The following SLIT3 variants were observed in gnomAD, a reference collection of about 807,000 sequenced individuals.
SLIT3 encodes the protein slit homolog 3 protein.
Under a neutral mutation model 184.0 loss-of-function variants are expected in SLIT3, and 68 were observed. That is an observed-to-expected ratio of 0.37 (90% CI 0.30 to 0.45). The LOEUF is 0.45. SLIT3 is among the 20% of genes least tolerant of loss of function. The pLI, the probability that SLIT3 is intolerant of heterozygous loss-of-function variation, is 1.00. For synonymous variants in SLIT3, 831 were observed against 828.6 expected, an observed-to-expected ratio of 1.00 and a Z score of -0.05; for missense variants, 1,707 against 2,026.0, an observed-to-expected ratio of 0.84 and a Z score of 3.02.
At position 168,772,963 on chromosome 5, in the gene SLIT3, C is replaced by A; in HGVS notation, c.1296-19G>T. 1 of 1,579,014 alleles carries A rather than the reference C, an allele frequency of 6.3e-7. No homozygotes were observed. The highest frequency in any genetic ancestry group is 1.2e-5 in the South Asian group (1 of 84,684). On this transcript the variant is annotated intron_variant, in intron 13 of 35. Coordinates refer to ENST00000519560, the MANE Select transcript of SLIT3 (RefSeq NM_003062.4). ...TAAGTGGCTGCGAGAGGGATGGGGC[C>A]GTTAATCAGGAGTGACCCACGGCGT...
In SLIT3 at chr5:169,038,045, G is replaced by A. The variant is rs181595784; in HGVS notation, c.414-154709C>T. Reference sequence around the variant, plus strand: ...CTTCTCAAATGATACAGAATTTTTCGTTTTTTTTAAAAATTTCCAACCTCT... The same window carrying A: ...CTTCTCAAATGATACAGAATTTTTCATTTTTTTTAAAAATTTCCAACCTCT... On this transcript the variant is annotated intron_variant, in intron 4 of 35. Transcript: ENST00000519560. 4.0e-3 allele frequency: 614 copies of A among 151,972 alleles called. 3 individuals carry two copies. Among genetic ancestry groups the A allele is most frequent in the African/African-American group, 0.014 (569 of 41,460 alleles). The allele number at this position is 151,972 out of a possible 1,614,324, so 9.4% of individuals were successfully genotyped here. A position where few individuals can be genotyped will look rare whatever the true frequency, so the allele number is the denominator to read the frequency against.
chr5:169,054,941 T>C (rs1316649102), intron 4 of SLIT3, among the ~76,000 whole-genome samples: 1 of 152,192 alleles, frequency 6.6e-6, no homozygotes, highest in Non-Finnish European at 1.5e-5. Context: ...ACAGGTATCA[T>C]GGACTTTTCC....
At chr5:168,721,356 TAAC>T (rs1291115529) in intron 23 of SLIT3, among the ~76,000 whole-genome samples, 1 of 152,218 alleles carries the variant, frequency 6.6e-6, no homozygotes, top group African/African-American at 2.4e-5. Context: ...ATAAGAATAA[TAAC>T]AAGTGAATAT....
At chr5:169,194,863 T>C (rs1475873835) in intron 3 of SLIT3, among the ~76,000 whole-genome samples, 2 of 152,200 alleles carry the variant, frequency 1.3e-5, no homozygotes, top group African/African-American at 2.4e-5. Flanking sequence ...ATGATCTCCA[T>C]GAAGGCTGCT....
chr5:169,062,314 C>G (rs1758198405), intron 4 of SLIT3, among the ~76,000 whole-genome samples: 1 of 152,208 alleles, frequency 6.6e-6, no homozygotes, highest in Admixed American at 6.5e-5. Flanking sequence ...TAAGATAAAT[C>G]TACCCCATTT....
intron 4 of SLIT3, among the ~76,000 whole-genome samples, chr5:168,988,132 G>A (rs1581271758): frequency 6.6e-6 from 1 of 152,206 alleles, no homozygotes; most frequent in East Asian, 1.9e-4. Context: ...CTGGTGAATG[G>A]ACCATATGTG....
intron 5 of SLIT3, among the ~76,000 whole-genome samples, chr5:168,875,596 T>C (rs1242711804): frequency 6.7e-6 from 1 of 150,350 alleles, no homozygotes; most frequent in Admixed American, 6.6e-5. Flanking sequence ...ATTGCGCCAC[T>C]GCACCCCGGC....
chr5:168,910,452 T>C (rs1761215108), intron 4 of SLIT3, among the ~76,000 whole-genome samples: 1 of 152,104 alleles, frequency 6.6e-6, no homozygotes, highest in Admixed American at 6.5e-5. Flanking sequence ...GATTAAACCA[T>C]CACAATTGCC....
At chr5:168,679,411 C>T (rs889961720) in intron 32 of SLIT3, among the ~76,000 whole-genome samples, 2 of 152,060 alleles carry the variant, frequency 1.3e-5, no homozygotes, top group African/African-American at 4.8e-5. Context: ...TAGTAGAGGC[C>T]AGGCATTGTG....
At chr5:169,286,293 C>G (rs1767147979) in intron 1 of SLIT3, among the ~76,000 whole-genome samples, 1 of 152,184 alleles carries the variant, frequency 6.6e-6, no homozygotes, top group African/African-American at 2.4e-5. Context: ...TTAAGAAACA[C>G]CGACTGCTAT....
chr5:169,048,657 C>G (rs1757708698), intron 4 of SLIT3, among the ~76,000 whole-genome samples: 1 of 152,210 alleles, frequency 6.6e-6, no homozygotes, highest in African/African-American at 2.4e-5. Context: ...TAAAAAGCAA[C>G]ATCATACCCA....
intron 3 of SLIT3, among the ~76,000 whole-genome samples, chr5:169,221,571 C>A (rs1463462002): frequency 1.3e-5 from 2 of 152,176 alleles, no homozygotes; most frequent in Non-Finnish European, 2.9e-5. Context: ...TAGGCTCCCC[C>A]AGGGGCGCAG....
chr5:168,933,508 C>T (rs1259496668), intron 4 of SLIT3, among the ~76,000 whole-genome samples: 3 of 151,750 alleles, frequency 2.0e-5, no homozygotes, highest in South Asian at 2.1e-4. Context: ...CACCACTGCA[C>T]TCCACCTGGG....
In SLIT3 at chr5:168,806,716, C is replaced by T. The variant is rs1756976425; in HGVS notation, c.794-129G>A. On this transcript the variant is annotated intron_variant, in intron 8 of 35. Transcript: ENST00000519560. Reference sequence around the variant, plus strand: ...CATCTGAGAAATGATCACCAGCTGACATCTCCCTTCACCTGGGAGACACAG... The same window carrying T: ...CATCTGAGAAATGATCACCAGCTGATATCTCCCTTCACCTGGGAGACACAG... The T allele has an allele frequency of 3.9e-6, 4 of 1,030,852 alleles. No individual in the cohort carries two copies. In the South Asian group the frequency reaches 6.3e-5, roughly 16 times the overall value. The allele number at this position is 1,030,852 out of a possible 1,614,324, so 63.9% of individuals were successfully genotyped here.
chr5:168,934,634 C>A (rs9284976), intron 4 of SLIT3, among the ~76,000 whole-genome samples: 23,814 of 151,914 alleles, frequency 0.16, 2,761 homozygotes, highest in African/African-American at 0.33. Context: ...GTTCAATCCC[C>A]AAAGAAGAGC....
chr5:168,859,580 A>T (rs1271448283), intron 5 of SLIT3, among the ~76,000 whole-genome samples: 1 of 152,244 alleles, frequency 6.6e-6, no homozygotes, highest in Non-Finnish European at 1.5e-5. Flanking sequence ...TTGGTTTTCA[A>T]GCAATGTGGT....
chr5:168,690,158 A>T (rs1476767450), intron 29 of SLIT3, among the ~76,000 whole-genome samples: 2 of 148,042 alleles, frequency 1.4e-5, no homozygotes, highest in Non-Finnish European at 3.0e-5. Flanking sequence ...TTTTTTTTAG[A>T]CAGAGTCTCC....
At chr5:169,169,608 A>T (rs188025962) in intron 4 of SLIT3, among the ~76,000 whole-genome samples, 1 of 152,204 alleles carries the variant, frequency 6.6e-6, no homozygotes, top group South Asian at 2.1e-4. Flanking sequence ...GATCCCTGGC[A>T]AGGAAAGTCT....
At chr5:169,148,476 G>A (rs946985382) in intron 4 of SLIT3, among the ~76,000 whole-genome samples, 2 of 152,202 alleles carry the variant, frequency 1.3e-5, no homozygotes, top group Non-Finnish European at 2.9e-5. Flanking sequence ...AACATGTTTG[G>A]TGCTGCTAGC....
Sources: allele counts gnomAD v4.1 joint callset (sites outside exome capture counted in the v4.1 genomes callset), GRCh38; gene constraint gnomAD v4.1.1; transcripts MANE v1.5; gene names NCBI Gene and HGNC (gene_info 2026-07-23, HGNC 2026-07-21).